Variants in GNAI3 observed in about 807,000 individuals in gnomAD.
GNAI3 encodes G protein subunit alpha i3.
GNAI3 carries 12 observed loss-of-function variants against 41.8 expected under a neutral mutation model. The observed-to-expected ratio is 0.29, with a 90% confidence interval of 0.18 to 0.47. The LOEUF (loss-of-function observed/expected upper bound fraction) is 0.47, where lower values mean the gene tolerates loss of function less well. GNAI3 is among the 20% of genes least tolerant of loss of function. The probability of loss-of-function intolerance (pLI) is 1.00; values close to 1 mark genes in which losing one functional copy is unlikely to be tolerated. For missense variants in GNAI3, 360 were observed against 429.6 expected (o/e 0.84, Z 1.43); for synonymous variants, 132 against 146.5 (o/e 0.90, Z 0.71).
At chr1:109,570,560 A>G (rs1322665335) in intron 1 of GNAI3, among the ~76,000 whole-genome samples, 2 of 152,204 alleles carry the variant, frequency 1.3e-5, no homozygotes, top group African/African-American at 2.4e-5. Flanking sequence ...GGTGGGAGCT[A>G]TTTAGATAGA....
At chr1:109,583,248 C>T (rs1322304417) in intron 5 of GNAI3, among the ~76,000 whole-genome samples, 6 of 152,142 alleles carry the variant, frequency 3.9e-5, no homozygotes, top group African/African-American at 9.7e-5. Context: ...CGTACTCTGT[C>T]GTCCAAGCTA....
At chr1:109,568,388 T>C (rs1648512593) in intron 1 of GNAI3, among the ~76,000 whole-genome samples, 1 of 151,688 alleles carries the variant, frequency 6.6e-6, no homozygotes. Flanking sequence ...AAAAAAAAAT[T>C]AGCCAGGCAT....
At chr1:109,565,137 A>G (rs1178468671) in intron 1 of GNAI3, among the ~76,000 whole-genome samples, 1 of 151,686 alleles carries the variant, frequency 6.6e-6, no homozygotes, top group African/African-American at 2.4e-5. Context: ...GGTGGCAGGC[A>G]CCTGTAATCC....
chr1:109,550,614 A>G (rs1430541553), intron 1 of GNAI3, among the ~76,000 whole-genome samples: 2 of 151,488 alleles, frequency 1.3e-5, no homozygotes, highest in South Asian at 2.1e-4. Flanking sequence ...TCTCACTGCA[A>G]CCTCCACCTC....
rs554810643 is a variant in GNAI3 at position 109,585,068 on chromosome 1, T to C, written c.591-1148T>C. On this transcript the variant is annotated intron_variant, in intron 5 of 8. Transcript: ENST00000369851. ...TTGAGAAATCACCAACTGTGTCTTA[T>C]TTCTTTCAATTTCTGGGGGAAAACA... Among the ~76,000 whole-genome samples the C allele has an allele frequency of 9.1e-4, 139 of 152,364 alleles. 1 individual carries two copies. Among genetic ancestry groups the C allele is most frequent in the African/African-American group, 3.0e-3 (125 of 41,596 alleles).
chr1:109,558,645 C>G (rs765466914), intron 1 of GNAI3, among the ~76,000 whole-genome samples: 1 of 151,912 alleles, frequency 6.6e-6, no homozygotes, highest in South Asian at 2.1e-4. Context: ...TTTCCTCTTA[C>G]TACTTTTATG....
intron 1 of GNAI3, among the ~76,000 whole-genome samples, chr1:109,572,046 G>T (rs1033799115): frequency 6.6e-6 from 1 of 152,128 alleles, no homozygotes; most frequent in African/African-American, 2.4e-5. Context: ...GGTGGCTTTC[G>T]CCTGTAATAC....
intron 1 of GNAI3, among the ~76,000 whole-genome samples, chr1:109,561,362 T>C (rs972173528): frequency 6.6e-6 from 1 of 152,196 alleles, no homozygotes; most frequent in Non-Finnish European, 1.5e-5. Flanking sequence ...CTGTTTTTCC[T>C]TAATGTTGAT....
intron 5 of GNAI3, 31 bp from the exon 6 acceptor site, chr1:109,586,185 T>G (rs1392283442): frequency 6.2e-7 from 1 of 1,608,172 alleles, no homozygotes; most frequent in African/African-American, 1.3e-5. Context: ...TGTGTGACCT[T>G]GCTGAATTTG....
intron 1 of GNAI3, among the ~76,000 whole-genome samples, chr1:109,566,920 A>C (rs956986316): frequency 2.0e-5 from 3 of 152,202 alleles, no homozygotes; most frequent in African/African-American, 7.2e-5. Flanking sequence ...TATACCTGTT[A>C]CTAAAAGGAA....
chr1:109,586,701 G>A, intron 6 of GNAI3, 28 bp from the exon 7 acceptor site: 2 of 1,540,192 alleles, frequency 1.3e-6, no homozygotes, highest in Non-Finnish European at 1.8e-6. Flanking sequence ...ATTTGCTACT[G>A]ACCTATCATC....
chr1:109,556,287 C>T (rs1051019012), intron 1 of GNAI3, among the ~76,000 whole-genome samples: 1 of 152,008 alleles, frequency 6.6e-6, no homozygotes, highest in East Asian at 1.9e-4. Flanking sequence ...CAATGATTTG[C>T]CCACCTCAGC....
Position 109,573,929 on chromosome 1 carries a change from A to G in GNAI3, c.195A>G (p.Glu65=), listed in dbSNP as rs1186585500. The G allele has an allele frequency of 6.2e-7, 1 of 1,609,338 alleles. No individual in the cohort carries two copies. Among genetic ancestry groups the G allele is most frequent in the Non-Finnish European group, 8.5e-7 (1 of 1,175,938 alleles). ...IIHEDGYSED[E]CKQYKVVVYS... Reference sequence around the variant, plus strand: ...ATGAGGATGGCTATTCAGAGGATGAATGTAAACAATATAAAGTAGTTGTCT... The same window carrying G: ...ATGAGGATGGCTATTCAGAGGATGAGTGTAAACAATATAAAGTAGTTGTCT... The change falls in exon 3 of 9, where the codon GAA becomes GAG. Residue 65 remains glutamate (E), a synonymous_variant. Transcript: ENST00000369851.
chr1:109,579,645 C>T (rs1412988990), intron 4 of GNAI3, among the ~76,000 whole-genome samples: 3 of 152,114 alleles, frequency 2.0e-5, no homozygotes, highest in Non-Finnish European at 2.9e-5. Flanking sequence ...TCTGTTGTGG[C>T]TGGGTTCTGA....
intron 1 of GNAI3, among the ~76,000 whole-genome samples, chr1:109,570,683 G>A (rs1009835873): frequency 1.3e-5 from 2 of 152,146 alleles, no homozygotes; most frequent in African/African-American, 4.8e-5. Flanking sequence ...AGTAAGAACC[G>A]GTTTGGTATG....
rs561763876 is a variant in GNAI3 at position 109,595,252 on chromosome 1, A to G, written c.*2930A>G. 5 of 152,214 alleles carry G rather than the reference A, an allele frequency of 3.3e-5. No homozygotes were observed. In the South Asian group the frequency reaches 1.0e-3, roughly 32 times the overall value. 9.4% of individuals were successfully genotyped at this position (152,214 alleles called of 1,614,324 possible). A position where few individuals can be genotyped will look rare whatever the true frequency, so the allele number is the denominator to read the frequency against. On this transcript the variant is annotated 3_prime_UTR_variant, in exon 9 of 9. Coordinates refer to ENST00000369851, the MANE Select transcript of GNAI3 (RefSeq NM_006496.4). ...TATTCTTAATGGACAGTCCCCCCTA[A>G]CCTTATAAATTCAGCTTTGCAACAG... is the stretch of plus-strand genomic sequence containing the variant.
chr1:109,554,079 G>GGTGT (rs34209492), intron 1 of GNAI3, among the ~76,000 whole-genome samples: 4 of 150,180 alleles, frequency 2.7e-5, no homozygotes, highest in Non-Finnish European at 1.5e-5. Context: ...GGTGTAGAGG[G>GGTGT]GTGTGTGTGT....
chr1:109,548,646 G>A lies in GNAI3; in HGVS notation c.-75G>A. Reference sequence around the variant, plus strand: ...GAGGGCCACCGCCCAGCAATAGACGGTGCCTCAGCCTGCCGAGCCGCAGTT... The same window carrying A: ...GAGGGCCACCGCCCAGCAATAGACGATGCCTCAGCCTGCCGAGCCGCAGTT... On this transcript the variant is annotated 5_prime_UTR_variant, in exon 1 of 9. It adds an upstream start codon to the 5' untranslated region. Coordinates refer to ENST00000369851, the MANE Select transcript of GNAI3 (RefSeq NM_006496.4). The A allele has an allele frequency of 1.0e-6, 1 of 990,092 alleles. No homozygotes were observed. The highest frequency in any genetic ancestry group is 1.6e-6 in the Non-Finnish European group (1 of 628,030). 61.3% of individuals were successfully genotyped at this position (990,092 alleles called of 1,614,324 possible).
intron 1 of GNAI3, among the ~76,000 whole-genome samples, chr1:109,567,684 A>G (rs1648492345): frequency 6.6e-6 from 1 of 152,258 alleles, no homozygotes; most frequent in Admixed American, 6.5e-5. Flanking sequence ...CAACATCAGT[A>G]TCCAAGTTGT....
Sources: gnomAD v4.1 joint callset for allele counts (sites outside exome capture counted in the v4.1 genomes callset) on GRCh38, gnomAD v4.1.1 for gene constraint, MANE v1.5 for transcripts, NCBI Gene and HGNC (gene_info 2026-07-23, HGNC 2026-07-21) for gene names.